SMPD3: variants seen among roughly 807,000 people sequenced by gnomAD.
The protein encoded by SMPD3 is nSMase-2.
Under a neutral mutation model 55.7 loss-of-function variants are expected in SMPD3, and 21 were observed. The ratio of observed to expected loss-of-function variants is 0.38; its 90% confidence interval spans 0.27 to 0.54. SMPD3 has a LOEUF of 0.54. SMPD3 is among the 20% of genes least tolerant of loss of function. The pLI, the probability that SMPD3 is intolerant of heterozygous loss-of-function variation, is 0.80. For synonymous variants in SMPD3, 457 were observed against 404.3 expected (o/e 1.13, Z -1.56); for missense variants, 842 against 899.6 (o/e 0.94, Z 0.82).
At chr16:68,395,470 G>A (rs145150793) in intron 1 of SMPD3, among the ~76,000 whole-genome samples, 24 of 152,298 alleles carry the variant, frequency 1.6e-4, no homozygotes, top group Non-Finnish European at 2.4e-4. Flanking sequence ...TTATCAAAAC[G>A]TCATCATCTC....
At chr16:68,413,788 C>T (rs752512448) in intron 1 of SMPD3, among the ~76,000 whole-genome samples, 4 of 152,204 alleles carry the variant, frequency 2.6e-5, no homozygotes, top group Non-Finnish European at 5.9e-5. Flanking sequence ...ATGGGTAGAG[C>T]ATGGGCTGTA....
Position 68,448,360 on chromosome 16 carries a change from G to A in SMPD3, c.-276C>T, listed in dbSNP as rs1481986512. 1 of 152,182 alleles carries A rather than the reference G, an allele frequency of 6.6e-6. No individual in the cohort carries two copies. Among genetic ancestry groups the A allele is most frequent in the Non-Finnish European group, 1.5e-5 (1 of 68,054 alleles). 9.4% of individuals were successfully genotyped at this position (152,182 alleles called of 1,614,324 possible). A position where few individuals can be genotyped will look rare whatever the true frequency, so the allele number is the denominator to read the frequency against. ...GAATTCAGCAGCACTGACCTCTGAC[G>A]GCGGGCGGGAGGGCGGTCAGCGCCC... On this transcript the variant is annotated 5_prime_UTR_variant, in exon 1 of 9. Coordinates refer to ENST00000219334, the MANE Select transcript of SMPD3 (RefSeq NM_018667.4).
At chr16:68,438,314 T>C (rs957132259) in intron 1 of SMPD3, among the ~76,000 whole-genome samples, 3 of 152,212 alleles carry the variant, frequency 2.0e-5, no homozygotes, top group Non-Finnish European at 4.4e-5. Flanking sequence ...CCAGGGCTTT[T>C]GTGAAGACCA....
rs1318000981 is a variant in SMPD3, at chr16:68,371,672, G to A, written c.510C>T (p.Tyr170=). Residue 170 remains tyrosine, a synonymous_variant, in exon 3 of 9, where the codon TAC becomes TAT. Transcript: ENST00000219334. ...NGAARPQIKI[Y]IDSPTNTSIS... ...TGGAGGTATTGGTGGGGGAGTCGATGTAAATTTTGATCTGGGGCCGGGCGG... is the reference window on the plus strand; with the variant it reads ...TGGAGGTATTGGTGGGGGAGTCGATATAAATTTTGATCTGGGGCCGGGCGG... 6.4e-7 allele frequency: 1 copy of A among 1,568,322 alleles called. No homozygotes were observed. The highest frequency in any genetic ancestry group is 1.9e-5 in the Admixed American group (1 of 53,366).
intron 1 of SMPD3, among the ~76,000 whole-genome samples, chr16:68,424,839 T>C (rs1318118688): frequency 6.6e-6 from 1 of 152,136 alleles, no homozygotes; most frequent in Non-Finnish European, 1.5e-5. Flanking sequence ...GCTTCCTGAG[T>C]AGCTGGGATT....
In SMPD3 at chr16:68,361,432, A is replaced by T; in HGVS notation, c.1867-125T>A. On this transcript the variant is annotated intron_variant, in intron 8 of 8. Transcript: ENST00000219334. ...GGTGGGCTGGGACCTTCCTGCAGTC[A>T]GAGGGATGGGGCCTGGAGGACCTGG... 2.9e-6 allele frequency: 4 copies of T among 1,361,820 alleles called. No individual in the cohort carries two copies. The East Asian group carries it at 9.5e-5, about 32-fold the overall frequency. The allele number at this position is 1,361,820 out of a possible 1,614,324, so 84.4% of individuals were successfully genotyped here.
At chr16:68,370,618 C>A (rs79427912) in intron 3 of SMPD3, among the ~76,000 whole-genome samples, 2 of 151,938 alleles carry the variant, frequency 1.3e-5, no homozygotes, top group African/African-American at 2.4e-5. Flanking sequence ...GGAACGGGCC[C>A]AGATCACCCA....
chr16:68,383,483 C>T (rs1038850598), intron 2 of SMPD3, among the ~76,000 whole-genome samples: 1 of 152,194 alleles, frequency 6.6e-6, no homozygotes, highest in African/African-American at 2.4e-5. Flanking sequence ...TAGGCCCAAC[C>T]GGAGGTGTAA....
At chr16:68,402,350 T>C (rs60579617) in intron 1 of SMPD3, among the ~76,000 whole-genome samples, 2,908 of 152,276 alleles carry the variant, frequency 0.019, 94 homozygotes, top group African/African-American at 0.066. Context: ...GGATTGATTC[T>C]GTGTGCATAT....
chr16:68,379,565 G>A (rs531033051), intron 2 of SMPD3, among the ~76,000 whole-genome samples: 1 of 152,312 alleles, frequency 6.6e-6, no homozygotes, highest in African/African-American at 2.4e-5. Flanking sequence ...TACAAAGAGG[G>A]TTCTCTGCTC....
At chr16:68,431,904 A>G (rs1180945909) in intron 1 of SMPD3, among the ~76,000 whole-genome samples, 1 of 152,172 alleles carries the variant, frequency 6.6e-6, no homozygotes, top group East Asian at 1.9e-4. Flanking sequence ...CCTGGGCAAC[A>G]GAGCAAGACT....
At chr16:68,370,726 C>T (rs901186281) in intron 3 of SMPD3, 133 bp downstream of exon 3, 4 of 1,207,160 alleles carry the variant, frequency 3.3e-6, no homozygotes, top group Non-Finnish European at 3.4e-6. Context: ...CCAGGAAAGA[C>T]CGCGTCTGCC....
chr16:68,397,752 T>C (rs908549323), intron 1 of SMPD3, among the ~76,000 whole-genome samples: 2 of 152,184 alleles, frequency 1.3e-5, no homozygotes, highest in Non-Finnish European at 1.5e-5. Context: ...CTCCTCCTCA[T>C]CTTCTGGCCT....
intron 1 of SMPD3, among the ~76,000 whole-genome samples, chr16:68,402,064 C>T (rs934569925): frequency 6.6e-5 from 10 of 152,194 alleles, no homozygotes; most frequent in Admixed American, 1.3e-4. Flanking sequence ...CCTTCACCCA[C>T]GCCACGGCTG....
intron 1 of SMPD3, among the ~76,000 whole-genome samples, chr16:68,398,497 C>T (rs866675098): frequency 3.3e-5 from 5 of 152,268 alleles, no homozygotes; most frequent in Non-Finnish European, 4.4e-5. Context: ...CTGGAGTCTT[C>T]CAGGCTGATG....
chr16:68,411,560 C>G (rs1184271751), intron 1 of SMPD3, among the ~76,000 whole-genome samples: 1 of 152,092 alleles, frequency 6.6e-6, no homozygotes, highest in African/African-American at 2.4e-5. Flanking sequence ...GAGCTGATGG[C>G]CAGCAGGGCT....
intron 1 of SMPD3, among the ~76,000 whole-genome samples, chr16:68,396,827 C>A (rs1484120749): frequency 6.6e-6 from 1 of 152,188 alleles, no homozygotes; most frequent in Non-Finnish European, 1.5e-5. Flanking sequence ...AACGAAAATG[C>A]AAGATGGAGA....
Position 68,447,218 on chromosome 16 carries a change from G to T in SMPD3, c.-269+1135C>A, listed in dbSNP as rs1027638126. 6.6e-6 allele frequency among the ~76,000 whole-genome samples: 1 copy of T among 152,178 alleles called. No homozygotes were observed. Among genetic ancestry groups the T allele is most frequent in the African/African-American group, 2.4e-5 (1 of 41,454 alleles). The stretch of plus-strand genomic sequence containing the variant: ...CCTTGGAACAGCCACCGCGCGTCCT[G>T]GAAGCAGGTCCCCGAGCCTCGGTTT... On this transcript the variant is annotated intron_variant, in intron 1 of 8. Coordinates refer to ENST00000219334, the MANE Select transcript of SMPD3 (RefSeq NM_018667.4). This position sits in a 1 kb window ranked among gnomAD's most constrained non-coding sequence, Gnocchi z 5.1.
At chr16:68,416,917 G>A (rs902862078) in intron 1 of SMPD3, among the ~76,000 whole-genome samples, 4 of 152,170 alleles carry the variant, frequency 2.6e-5, no homozygotes, top group African/African-American at 7.2e-5. Flanking sequence ...CTCTGTGGCT[G>A]GAAAGCTGCT....
Sources: gnomAD v4.1 joint callset for allele counts (sites outside exome capture counted in the v4.1 genomes callset) on GRCh38, gnomAD v4.1.1 for gene constraint, Gnocchi (gnomAD v3.1) non-coding constraint, MANE v1.5 for transcripts, NCBI Gene and HGNC (gene_info 2026-07-23, HGNC 2026-07-21) for gene names.